Variants in KAT7 observed in about 807,000 individuals in gnomAD.
KAT7 encodes the protein lysine acetyltransferase 7.
A neutral mutation model predicts 82.1 loss-of-function variants in KAT7; 10 were observed. That is an observed-to-expected ratio of 0.12 (90% CI 0.08 to 0.21). The LOEUF is 0.21. KAT7 is among the 10% of genes least tolerant of loss of function. The probability of loss-of-function intolerance (pLI) is 1.00; values close to 1 mark genes in which losing one functional copy is unlikely to be tolerated. For synonymous variants in KAT7, 250 were observed against 262.5 expected, an observed-to-expected ratio of 0.95 and a Z score of 0.46; for missense variants, 378 against 760.9, an observed-to-expected ratio of 0.50 and a Z score of 5.92.
chr17:49,818,989 A>T (rs192524030), intron 9 of KAT7, among the ~76,000 whole-genome samples: 1 of 152,228 alleles, frequency 6.6e-6, no homozygotes, highest in Non-Finnish European at 1.5e-5. Context: ...CACCCACCTC[A>T]GCTTCCCAAA....
At chr17:49,808,025 G>A (rs930666892) in intron 5 of KAT7, among the ~76,000 whole-genome samples, 9 of 151,550 alleles carry the variant, frequency 5.9e-5, no homozygotes, top group African/African-American at 2.2e-4. Context: ...CCAATTCCCA[G>A]ATTATGAAAC....
Position 49,828,867 on chromosome 17 carries a change from A to T in KAT7, c.*1365A>T, listed in dbSNP as rs1438603334. 3 of 153,446 alleles carry T rather than the reference A, an allele frequency of 2.0e-5. No individual in the cohort carries two copies. The East Asian group carries it at 5.8e-4, about 30-fold the overall frequency. 9.5% of individuals were successfully genotyped at this position (153,446 alleles called of 1,614,324 possible). A position where few individuals can be genotyped will look rare whatever the true frequency, so the allele number is the denominator to read the frequency against. On this transcript the variant is annotated 3_prime_UTR_variant, in exon 15 of 15. Transcript: ENST00000259021. ...CGGTCATTTGTGCCTTTCTCTTGTCATCTCTGTACACTACTTATATTCACT... is the reference window on the plus strand; with the variant it reads ...CGGTCATTTGTGCCTTTCTCTTGTCTTCTCTGTACACTACTTATATTCACT...
intron 9 of KAT7, among the ~76,000 whole-genome samples, chr17:49,820,958 C>T (rs549270449): frequency 1.1e-4 from 16 of 152,092 alleles, no homozygotes; most frequent in African/African-American, 3.9e-4. Flanking sequence ...GAGTAAAGTA[C>T]TTAGCCACCC....
intron 13 of KAT7, chr17:49,826,386 A>G: frequency 2.0e-6 from 1 of 511,690 alleles, no homozygotes; most frequent in Non-Finnish European, 3.5e-6. Flanking sequence ...GCAAAACTTC[A>G]GATCGTTTGG....
At chr17:49,791,835 A>C in intron 1 of KAT7, 51 bp from the exon 2 acceptor site, 1 of 1,570,746 alleles carries the variant, frequency 6.4e-7, no homozygotes, top group South Asian at 1.1e-5. Context: ...GTTAATGCAA[A>C]CTCTCAGACC....
At chr17:49,823,403 A>G (rs978583164) in intron 12 of KAT7, 108 bp downstream of exon 12, 9 of 680,680 alleles carry the variant, frequency 1.3e-5, no homozygotes, top group Admixed American at 2.4e-5. Context: ...GTGAAGGTAC[A>G]TGGATATTTA....
At chr17:49,817,467 A>G (rs2074248335) in intron 8 of KAT7, among the ~76,000 whole-genome samples, 1 of 152,180 alleles carries the variant, frequency 6.6e-6, no homozygotes, top group Admixed American at 6.5e-5. Flanking sequence ...CACTTTTAAA[A>G]ACAAAGATAA....
chr17:49,801,757 T>TG (rs1339468186), intron 4 of KAT7, among the ~76,000 whole-genome samples: 1 of 152,212 alleles, frequency 6.6e-6, no homozygotes, highest in Non-Finnish European at 1.5e-5. Flanking sequence ...CCCAAAGTGT[T>TG]GGGATTACAG....
rs2074165290 is a variant in KAT7, at chr17:49,811,510, A to G, written c.788A>G (p.Lys263Arg). The G allele has an allele frequency of 3.2e-6, 5 of 1,555,442 alleles. No homozygotes were observed. Among genetic ancestry groups the G allele is most frequent in the Non-Finnish European group, 3.5e-6 (4 of 1,150,064 alleles). Residue 263 changes from lysine (K) to arginine (R), a missense_variant, in exon 7 of 15, where the codon AAA becomes AGA. This residue lies in a region of KAT7 where 102 missense variants were observed against 129.8 expected (regional missense o/e 0.79). Transcript: ENST00000259021. The stretch of plus-strand genomic sequence containing the variant: ...GAGAGACAGCTTCGATATAAGGAAA[A>G]AGTGGCTGAACTCAGGAAGAAAAGA... ...PTERQLRYKE[K>R]VAELRKKRNS... is the part of the protein sequence containing the mutation.
At chr17:49,790,166 C>T (rs576815704) in intron 1 of KAT7, among the ~76,000 whole-genome samples, 3 of 152,108 alleles carry the variant, frequency 2.0e-5, no homozygotes, top group Admixed American at 6.6e-5. Flanking sequence ...CCTAAAATGA[C>T]CTCAGCTGGT....
Position 49,811,677 on chromosome 17 carries a change from T to A in KAT7, c.852+103T>A, listed in dbSNP as rs7225886. ...CTTTCAGATTTGCCATTTAGTATTCTCCACATGTGAATACCAATTGACTCT... is the reference window on the plus strand; with the variant it reads ...CTTTCAGATTTGCCATTTAGTATTCACCACATGTGAATACCAATTGACTCT... On this transcript the variant is annotated intron_variant, in intron 7 of 14. Coordinates refer to ENST00000259021, the MANE Select transcript of KAT7 (RefSeq NM_007067.5). 3.3e-3 allele frequency: 1,652 copies of A among 494,786 alleles called. 27 individuals are homozygous for A. Among genetic ancestry groups the A allele is most frequent in the African/African-American group, 0.029 (1,475 of 50,402 alleles). 30.6% of individuals were successfully genotyped at this position (494,786 alleles called of 1,614,324 possible).
intron 12 of KAT7, 146 bp downstream of exon 12, chr17:49,823,441 C>CT: frequency 1.7e-6 from 1 of 605,516 alleles, no homozygotes; most frequent in Non-Finnish European, 2.9e-6. Flanking sequence ...TAGGAAAAAC[C>CT]TGAACATTGT....
intron 5 of KAT7, 141 bp from the exon 6 acceptor site, chr17:49,808,978 T>A: frequency 1.6e-6 from 1 of 626,002 alleles, no homozygotes; most frequent in Non-Finnish European, 2.8e-6. Context: ...CTCTTTCTTG[T>A]AGAGATTGTG....
Position 49,793,765 on chromosome 17 carries a change from G to A in KAT7, c.163+1732G>A, listed in dbSNP as rs536538673. 3.2e-3 allele frequency among the ~76,000 whole-genome samples: 487 copies of A among 152,036 alleles called. 1 individual carries two copies. Among genetic ancestry groups the A allele is most frequent in the African/African-American group, 0.011 (466 of 41,480 alleles). ...TTTTTGTATTTTTAGTAGAGATGGG[G>A]TTTCACCATGTTGGCCAGGATAGTC... On this transcript the variant is annotated intron_variant, in intron 2 of 14. Coordinates refer to ENST00000259021, the MANE Select transcript of KAT7 (RefSeq NM_007067.5).
Position 49,832,115 on chromosome 17 carries a change from C to A in KAT7, c.*4613C>A, listed in dbSNP as rs1175447706. 1 of 152,146 alleles carries A rather than the reference C, an allele frequency of 6.6e-6. No homozygotes were observed. The highest frequency in any genetic ancestry group is 1.5e-5 in the Non-Finnish European group (1 of 68,096). The allele number at this position is 152,146 out of a possible 1,614,324, so 9.4% of individuals were successfully genotyped here. On this transcript the variant is annotated 3_prime_UTR_variant, in exon 15 of 15. Coordinates refer to ENST00000259021, the MANE Select transcript of KAT7 (RefSeq NM_007067.5). ...GGATTACAGGTGCCCACCACCTCGC[C>A]TGGCTAATTTTTGTATTTTTAGTAG...
At position 49,792,052 on chromosome 17, in the gene KAT7, T is replaced by C. The variant is rs779461943; in HGVS notation, c.163+19T>C. 6.2e-7 allele frequency: 1 copy of C among 1,611,146 alleles called. No individual in the cohort carries two copies. The highest frequency in any genetic ancestry group is 8.5e-7 in the Non-Finnish European group (1 of 1,178,278). ...TCTCAAGGTAAAAAAACCTTCATTT[T>C]TCCTTACCACTCCTCACATCTGGCT... On this transcript the variant is annotated intron_variant, in intron 2 of 14. Transcript: ENST00000259021.
intron 4 of KAT7, among the ~76,000 whole-genome samples, chr17:49,802,865 A>G (rs1324085712): frequency 6.6e-6 from 1 of 152,024 alleles, no homozygotes; most frequent in African/African-American, 2.4e-5. Flanking sequence ...AGCCAGGACT[A>G]CGGGCATGGA....
At chr17:49,804,917 A>G (rs1383328807) in intron 4 of KAT7, among the ~76,000 whole-genome samples, 3 of 152,170 alleles carry the variant, frequency 2.0e-5, no homozygotes, top group African/African-American at 7.2e-5. Context: ...ATTTTTCATA[A>G]ATTTGAGTAT....
chr17:49,800,821 G>C (rs1362019176), intron 4 of KAT7, among the ~76,000 whole-genome samples: 4 of 151,964 alleles, frequency 2.6e-5, no homozygotes, highest in African/African-American at 9.7e-5. Context: ...GAGTACTGAG[G>C]GTAGGATATT....
Sources: allele counts gnomAD v4.1 joint callset (sites outside exome capture counted in the v4.1 genomes callset), GRCh38; gene constraint gnomAD v4.1.1; regional missense constraint gnomAD v4.1.1; transcripts MANE v1.5; gene names NCBI Gene and HGNC (gene_info 2026-07-23, HGNC 2026-07-21).